ANKH: variants seen among roughly 807,000 people sequenced by gnomAD.
ANKH encodes the protein ANKH inorganic pyrophosphate transport regulator, also known as mineralization regulator ANKH.
ANKH carries 15 observed loss-of-function variants against 49.0 expected under a neutral mutation model. The ratio of observed to expected loss-of-function variants is 0.31; its 90% confidence interval spans 0.20 to 0.47. ANKH has a LOEUF of 0.47. Among genes scored for constraint, ANKH ranks in the 20% least tolerant of loss-of-function variants. ANKH has a pLI of 1.00. For missense variants in ANKH, 429 were observed against 652.0 expected (o/e 0.66, Z 3.72); for synonymous variants, 273 against 260.0 (o/e 1.05, Z -0.48).
At position 14,793,021 on chromosome 5, in the gene ANKH, AAT is replaced by A. The variant is rs1161157269; in HGVS notation, c.97-23832_97-23831del. ...ATATATATATAAATATATATATATA[AAT>A]ATATATATATAAAAATATATATATA... On this transcript the variant is annotated intron_variant, in intron 1 of 11. Transcript: ENST00000284268. Among the ~76,000 whole-genome samples the A allele has an allele frequency of 1.9e-3, 133 of 68,310 alleles. 1 individual carries two copies. The highest frequency in any genetic ancestry group is 7.7e-3 in the Middle Eastern group (1 of 130). 44.8% of individuals were successfully genotyped at this position (68,310 alleles called of 152,430 possible). A position where few individuals can be genotyped will look rare whatever the true frequency, so the allele number is the denominator to read the frequency against.
rs148415944 is a variant in ANKH at position 14,856,628 on chromosome 5, T to C, written c.96+14724A>G. On this transcript the variant is annotated intron_variant, in intron 1 of 11. Coordinates refer to ENST00000284268, the MANE Select transcript of ANKH (RefSeq NM_054027.6). ...GAAGATGAACCATTTCCCCTCTCCT[T>C]TTCTCCGATACAGACTCGAAATAAC... 2.3e-3 allele frequency among the ~76,000 whole-genome samples: 343 copies of C among 151,976 alleles called. 1 individual carries two copies. Among genetic ancestry groups the C allele is most frequent in the Middle Eastern group, 6.8e-3 (2 of 294 alleles).
chr5:14,812,434 C>T (rs1740914269), intron 1 of ANKH, among the ~76,000 whole-genome samples: 1 of 152,120 alleles, frequency 6.6e-6, no homozygotes, highest in Non-Finnish European at 1.5e-5. Context: ...GCAGGTTTTG[C>T]ATGGGCATTA....
rs140141714 is a variant in ANKH at position 14,757,794 on chromosome 5, A to T, written c.432+686T>A. Among the ~76,000 whole-genome samples, 14 of 152,308 alleles carry T rather than the reference A, an allele frequency of 9.2e-5. No homozygotes were observed. The East Asian group carries it at 2.7e-3, about 29-fold the overall frequency. On this transcript the variant is annotated intron_variant, in intron 3 of 11. Coordinates refer to ENST00000284268, the MANE Select transcript of ANKH (RefSeq NM_054027.6). ...AAAATTAAATAAATTGACAAGATGG[A>T]CTGGTTAAAAGTCAACAGACAATTG...
chr5:14,830,900 A>G (rs1458377916), intron 1 of ANKH, among the ~76,000 whole-genome samples: 1 of 152,252 alleles, frequency 6.6e-6, no homozygotes. Context: ...TGAGGGTCAC[A>G]GCCCAGGAAA....
At chr5:14,728,705 T>G (rs1427631483) in intron 8 of ANKH, among the ~76,000 whole-genome samples, 1 of 152,132 alleles carries the variant, frequency 6.6e-6, no homozygotes, top group Non-Finnish European at 1.5e-5. Flanking sequence ...ACAGGGTCAT[T>G]CTCATGAACG....
At chr5:14,774,002 C>T (rs1303911510) in intron 1 of ANKH, among the ~76,000 whole-genome samples, 1 of 152,148 alleles carries the variant, frequency 6.6e-6, no homozygotes, top group African/African-American at 2.4e-5. Flanking sequence ...TAAATATACA[C>T]ATTATTTGAA....
Position 14,713,590 on chromosome 5 carries a change from G to T in ANKH, c.1219C>A (p.Arg407=). The T allele has an allele frequency of 6.2e-7, 1 of 1,614,158 alleles. No homozygotes were observed. The highest frequency in any genetic ancestry group is 8.5e-7 in the Non-Finnish European group (1 of 1,180,010). The change falls in exon 10 of 12, where the codon CGG becomes AGG. Residue 407 remains arginine, a synonymous_variant. Coordinates refer to ENST00000284268, the MANE Select transcript of ANKH (RefSeq NM_054027.6). This position sits in a 1 kb window ranked among gnomAD's most constrained non-coding sequence, Gnocchi z 4.4. ...AGGCTGGCGATGAGGACGATGATCC[G>T]CAGCACAGAGCTGGGGGCAAGGACG... ...TFVLAPSSVL[R]IIVLIASLVV...
In ANKH at chr5:14,767,427, A is replaced by C. The variant is rs186491307; in HGVS notation, c.313+1548T>G. ...GTGGATGGAAAAATGCTGTGATTGC[A>C]AAAGTATAAAAACTAATAATGATTA... On this transcript the variant is annotated intron_variant, in intron 2 of 11. Transcript: ENST00000284268. Among the ~76,000 whole-genome samples the C allele has an allele frequency of 3.4e-3, 524 of 152,370 alleles. 4 individuals are homozygous for C. Among genetic ancestry groups the C allele is most frequent in the Non-Finnish European group, 5.1e-3 (350 of 68,028 alleles).
chr5:14,846,809 T>C (rs1257557317), intron 1 of ANKH, among the ~76,000 whole-genome samples: 1 of 151,782 alleles, frequency 6.6e-6, no homozygotes, highest in Non-Finnish European at 1.5e-5. Context: ...CTGGCCAACA[T>C]GGTAAAACTG....
intron 1 of ANKH, among the ~76,000 whole-genome samples, chr5:14,807,642 C>A (rs1458118931): frequency 1.3e-5 from 2 of 152,146 alleles, no homozygotes; most frequent in Non-Finnish European, 2.9e-5. Context: ...GACACTGTGT[C>A]CCCCTATAGT....
At chr5:14,715,154 G>A (rs1580000421) in intron 9 of ANKH, among the ~76,000 whole-genome samples, 3 of 151,818 alleles carry the variant, frequency 2.0e-5, no homozygotes, top group African/African-American at 4.8e-5. Context: ...GTTTTGAGAC[G>A]GAGTTTCACT....
At position 14,709,919 on chromosome 5, in the gene ANKH, T is replaced by G. The variant is rs1018198398; in HGVS notation, c.*1278A>C. The G allele has an allele frequency of 1.3e-5, 2 of 152,440 alleles. No individual in the cohort carries two copies. The highest frequency in any genetic ancestry group is 6.5e-5 in the Admixed American group (1 of 15,280). The allele number at this position is 152,440 out of a possible 1,614,324, so 9.4% of individuals were successfully genotyped here. The stretch of plus-strand genomic sequence containing the variant: ...AGCATATATTTATATCTTTAAAATA[T>G]TTTTTTTTTTAGGTTCTTTCAGTCT... On this transcript the variant is annotated 3_prime_UTR_variant, in exon 12 of 12. Transcript: ENST00000284268.
At chr5:14,766,894 T>A (rs988662896) in intron 2 of ANKH, among the ~76,000 whole-genome samples, 1 of 152,184 alleles carries the variant, frequency 6.6e-6, no homozygotes, top group African/African-American at 2.4e-5. Flanking sequence ...ATACTTGGAG[T>A]ATTTCCTTTT....
At chr5:14,749,090 GAGA>G in intron 6 of ANKH, 79 bp downstream of exon 6, 1 of 1,587,910 alleles carries the variant, frequency 6.3e-7, no homozygotes, top group Admixed American at 1.7e-5. Context: ...TTGAGCTCTC[GAGA>G]AGAACTGGAA....
Position 14,749,276 on chromosome 5 carries a change from A to C in ANKH, c.718T>G (p.Phe240Val), listed in dbSNP as rs1738636991. The change falls in exon 6 of 12, where the codon TTC becomes GTC. Residue 240 changes from phenylalanine (F) to valine (V), a missense_variant. This residue lies in a region of ANKH where 378 missense variants were observed against 615.3 expected (regional missense o/e 0.61). Coordinates refer to ENST00000284268, the MANE Select transcript of ANKH (RefSeq NM_054027.6). ...AGAATTAGAGCCAAAGGCCACCAGA[A>C]GCTCAGCATCTTTCTTATTGTTGCA... ...GDATIRKMLS[F>V]WWPLALILAT... The C allele has an allele frequency of 6.2e-7, 1 of 1,614,136 alleles. No individual in the cohort carries two copies. The highest frequency in any genetic ancestry group is 1.7e-5 in the Admixed American group (1 of 60,012).
chr5:14,832,975 C>T (rs549072396), intron 1 of ANKH, among the ~76,000 whole-genome samples: 2 of 152,324 alleles, frequency 1.3e-5, no homozygotes, highest in South Asian at 4.1e-4. Context: ...AACTGAATGC[C>T]TAACAATTTC....
At position 14,744,965 on chromosome 5, in the gene ANKH, A is replaced by G. The variant is rs116451617; in HGVS notation, c.915+905T>C. On this transcript the variant is annotated intron_variant, in intron 7 of 11. Coordinates refer to ENST00000284268, the MANE Select transcript of ANKH (RefSeq NM_054027.6). The stretch of plus-strand genomic sequence containing the variant: ...AGGGGCCAGCATTACCCAGGGTCCA[A>G]GGCCAAGCTGCCCATTCTGCCAGAG... Among the ~76,000 whole-genome samples, 1,085 of 152,302 alleles carry G rather than the reference A, an allele frequency of 7.1e-3. 19 individuals are homozygous for G. The highest frequency in any genetic ancestry group is 0.025 in the African/African-American group (1,038 of 41,568).
chr5:14,721,060 C>A (rs1737643556), intron 8 of ANKH, among the ~76,000 whole-genome samples: 1 of 152,202 alleles, frequency 6.6e-6, no homozygotes, highest in African/African-American at 2.4e-5. Context: ...AGCTTGAGGA[C>A]ATGATAGTGA....
At chr5:14,716,619 G>A in intron 9 of ANKH, 87 bp downstream of exon 9, 1 of 1,565,252 alleles carries the variant, frequency 6.4e-7, no homozygotes, top group Non-Finnish European at 8.8e-7. Context: ...ATTTGTGTTG[G>A]TGACATAATT....
Sources: gnomAD v4.1 joint callset for allele counts (sites outside exome capture counted in the v4.1 genomes callset) on GRCh38, gnomAD v4.1.1 for gene constraint, gnomAD v4.1.1 regional missense constraint, Gnocchi (gnomAD v3.1) non-coding constraint, MANE v1.5 for transcripts, NCBI Gene and HGNC (gene_info 2026-07-23, HGNC 2026-07-21) for gene names.